Variants in CDKN1A observed in about 807,000 individuals in gnomAD.
CDKN1A encodes cyclin-dependent kinase inhibitor 1.
In CDKN1A, 14 loss-of-function variants were observed where a neutral mutation model predicts 14.8. The observed-to-expected ratio is 0.94, with a 90% CI of 0.62 to 1.48. The LOEUF is 1.48. Ranked by LOEUF, CDKN1A falls within the 40% of genes most tolerant of loss-of-function variation. The pLI, the probability that CDKN1A is intolerant of heterozygous loss-of-function variation, is 0.00. For synonymous variants in CDKN1A, 92 were observed against 93.5 expected (o/e 0.98, Z 0.09); for missense variants, 203 against 231.7 (o/e 0.88, Z 0.80).
upstream of CDKN1A, among the ~76,000 whole-genome samples, chr6:36,677,257 A>T (rs13206175): frequency 3.6e-4 from 55 of 152,036 alleles, no homozygotes; most frequent in Admixed American, 1.0e-3. Context: ...GTGTCCTCCC[A>T]CCCCTACCTG....
chr6:36,678,570 T>G (rs547647295), upstream of CDKN1A: 50 of 773,692 alleles, frequency 6.5e-5, no homozygotes, highest in Non-Finnish European at 7.5e-5. This position sits in a 1 kb window ranked among gnomAD's most constrained non-coding sequence, Gnocchi z 5.7. Flanking sequence ...CAGGCTCAGC[T>G]GGCTCGGCGC....
At chr6:36,685,706 G>A (rs370565004) in intron 2 of CDKN1A, 45 bp from the exon 3 acceptor site, 43 of 1,607,576 alleles carry the variant, frequency 2.7e-5, no homozygotes, top group East Asian at 2.2e-4. Context: ...GCTCCGCCGC[G>A]TCCTCTTCTT....
chr6:36,685,995 G>A lies in CDKN1A; in HGVS notation c.*195G>A, dbSNP rs191431994. 154 of 629,792 alleles carry A rather than the reference G, an allele frequency of 2.4e-4. 1 individual carries two copies. The highest frequency in any genetic ancestry group is 5.8e-4 in the Middle Eastern group (2 of 3,466). The allele number at this position is 629,792 out of a possible 1,614,324, so 39.0% of individuals were successfully genotyped here. A position where few individuals can be genotyped will look rare whatever the true frequency, so the allele number is the denominator to read the frequency against. On this transcript the variant is annotated 3_prime_UTR_variant, in exon 3 of 3. Coordinates refer to ENST00000244741, the MANE Select transcript of CDKN1A (RefSeq NM_000389.5). ...AGAATTATTTAAACAAAAACTAGGC[G>A]GTTGAATGAGAGGTTCCTAAGAGTG...
chr6:36,681,280 T>TTTTCTTTCTTTC (rs1203395813), intron 1 of CDKN1A, among the ~76,000 whole-genome samples: 4 of 112,872 alleles, frequency 3.5e-5, no homozygotes, highest in South Asian at 6.0e-4. Context: ...TTCTTTCTTT[T>TTTTCTTTCTTTC]TTTCTTTCTT....
At chr6:36,681,117 A>T (rs1761924889) in intron 1 of CDKN1A, among the ~76,000 whole-genome samples, 1 of 152,180 alleles carries the variant, frequency 6.6e-6, no homozygotes, top group Non-Finnish European at 1.5e-5. Flanking sequence ...TTTCAAACAT[A>T]CCAGTGTGTC....
chr6:36,679,030 C>G (rs3176321), intron 1 of CDKN1A: 1 of 948,878 alleles, frequency 1.1e-6, no homozygotes, highest in Non-Finnish European at 1.2e-6. Flanking sequence ...GTGCCGGAGA[C>G]CCCGGGGCGG....
In CDKN1A at chr6:36,686,706, A is replaced by T. The variant is rs1401216744; in HGVS notation, c.*906A>T. 2 of 233,782 alleles carry T rather than the reference A, an allele frequency of 8.6e-6. No individual in the cohort carries two copies. The highest frequency in any genetic ancestry group is 1.7e-5 in the Non-Finnish European group (2 of 118,282). 14.5% of individuals were successfully genotyped at this position (233,782 alleles called of 1,614,324 possible). On this transcript the variant is annotated 3_prime_UTR_variant, in exon 3 of 3. Transcript: ENST00000244741. The surrounding 1 kb of genome is among the most constrained non-coding windows in gnomAD (Gnocchi z 4.9). Reference sequence around the variant, plus strand: ...CCCACCCCCAGCTCAATGGACTGGAAGGGGAAGGGACACACAAGAAGAAGG... The same window carrying T: ...CCCACCCCCAGCTCAATGGACTGGATGGGGAAGGGACACACAAGAAGAAGG...
intron 1 of CDKN1A, among the ~76,000 whole-genome samples, chr6:36,683,866 C>G (rs1762097264): frequency 6.6e-6 from 1 of 152,260 alleles, no homozygotes. Flanking sequence ...TTGACATTAG[C>G]TTGCCCTTCA....
chr6:36,676,816 C>G (rs1257641467), upstream of CDKN1A, among the ~76,000 whole-genome samples: 1 of 151,792 alleles, frequency 6.6e-6, no homozygotes, highest in East Asian at 1.9e-4. Context: ...TAGTACTAGA[C>G]ACTTAGTAGG....
upstream of CDKN1A, chr6:36,677,567 A>G (rs1761736036): frequency 2.8e-6 from 1 of 354,428 alleles, no homozygotes; most frequent in East Asian, 5.7e-5. Context: ...GCGGATAGAC[A>G]CATCACTCAT....
chr6:36,683,001 C>G (rs567871095), intron 1 of CDKN1A, among the ~76,000 whole-genome samples: 1 of 152,146 alleles, frequency 6.6e-6, no homozygotes, highest in Non-Finnish European at 1.5e-5. Flanking sequence ...ACCCGCCTGA[C>G]GACATCCTTG....
chr6:36,685,945 C>T lies in CDKN1A; in HGVS notation c.*145C>T. On this transcript the variant is annotated 3_prime_UTR_variant, in exon 3 of 3. Coordinates refer to ENST00000244741, the MANE Select transcript of CDKN1A (RefSeq NM_000389.5). ...CTCCTCATGTACATACCCTGGCCGCCCCCTGCCCCCCAGCCTCTGGCATTA... is the reference window on the plus strand; with the variant it reads ...CTCCTCATGTACATACCCTGGCCGCTCCCTGCCCCCCAGCCTCTGGCATTA... The T allele has an allele frequency of 1.3e-6, 1 of 794,410 alleles. No individual in the cohort carries two copies. The highest frequency in any genetic ancestry group is 1.4e-5 in the South Asian group (1 of 71,052). The allele number at this position is 794,410 out of a possible 1,614,324, so 49.2% of individuals were successfully genotyped here.
chr6:36,684,161 C>T lies in CDKN1A; in HGVS notation c.60C>T (p.Arg20=), dbSNP rs1276240978. The change falls in exon 2 of 3, where the codon CGC becomes CGT. Residue 20 remains arginine, a synonymous_variant. Transcript: ENST00000244741. This position sits in a 1 kb window ranked among gnomAD's most constrained non-coding sequence, Gnocchi z 6.0. ...CATGCGGCAGCAAGGCCTGCCGCCGCCTCTTCGGCCCAGTGGACAGCGAGC... is the reference window on the plus strand; with the variant it reads ...CATGCGGCAGCAAGGCCTGCCGCCGTCTCTTCGGCCCAGTGGACAGCGAGC... ...QNPCGSKACR[R]LFGPVDSEQL... 7 of 1,612,442 alleles carry T rather than the reference C, an allele frequency of 4.3e-6. No individual in the cohort carries two copies. The highest frequency in any genetic ancestry group is 1.6e-4 in the Middle Eastern group (1 of 6,084).
chr6:36,679,039 G>A lies in CDKN1A; in HGVS notation c.-6+241G>A. ...CGGGATGTGCCGGAGACCCCGGGGC[G>A]GAGAGCGGGATTACAAGTACAGGAA... On this transcript the variant is annotated intron_variant, in intron 1 of 2. Transcript: ENST00000244741. 4 of 933,140 alleles carry A rather than the reference G, an allele frequency of 4.3e-6. No individual in the cohort carries two copies. In the South Asian group the frequency reaches 1.5e-4, roughly 35 times the overall value. 57.8% of individuals were successfully genotyped at this position (933,140 alleles called of 1,614,324 possible).
chr6:36,686,934 C>G lies in CDKN1A; in HGVS notation c.*1134C>G, dbSNP rs1306631788. 7 of 233,780 alleles carry G rather than the reference C, an allele frequency of 3.0e-5. No homozygotes were observed. The highest frequency in any genetic ancestry group is 5.1e-5 in the Non-Finnish European group (6 of 118,166). 14.5% of individuals were successfully genotyped at this position (233,780 alleles called of 1,614,324 possible). Reference sequence around the variant, plus strand: ...GCGACCTTCCTCATCCACCCCATCCCTCCCCAGTTCATTGCACTTTGATTA... The same window carrying G: ...GCGACCTTCCTCATCCACCCCATCCGTCCCCAGTTCATTGCACTTTGATTA... On this transcript the variant is annotated 3_prime_UTR_variant, in exon 3 of 3. Transcript: ENST00000244741. This position sits in a 1 kb window ranked among gnomAD's most constrained non-coding sequence, Gnocchi z 4.9.
chr6:36,678,664 G>C (rs1761774657), upstream of CDKN1A: 3 of 985,236 alleles, frequency 3.0e-6, no homozygotes, highest in South Asian at 9.4e-5. This position sits in a 1 kb window ranked among gnomAD's most constrained non-coding sequence, Gnocchi z 5.7. Flanking sequence ...CCTTGAGGCG[G>C]GCCCGGGCGG....
rs1038653449 is a variant in CDKN1A, at chr6:36,686,848, G to A, written c.*1048G>A. On this transcript the variant is annotated 3_prime_UTR_variant, in exon 3 of 3. Coordinates refer to ENST00000244741, the MANE Select transcript of CDKN1A (RefSeq NM_000389.5). The surrounding 1 kb of genome is among the most constrained non-coding windows in gnomAD (Gnocchi z 4.9). The stretch of plus-strand genomic sequence containing the variant: ...TTGAGTGGGGTTATCTCTGTGTTAG[G>A]GGTATATGATGGGGGAGTAGATCTT... 2 of 233,654 alleles carry A rather than the reference G, an allele frequency of 8.6e-6. No homozygotes were observed. Among genetic ancestry groups the A allele is most frequent in the Non-Finnish European group, 8.5e-6 (1 of 118,108 alleles). The allele number at this position is 233,654 out of a possible 1,614,324, so 14.5% of individuals were successfully genotyped here. A position where few individuals can be genotyped will look rare whatever the true frequency, so the allele number is the denominator to read the frequency against.
rs139304346 is a variant in CDKN1A, at chr6:36,685,803, C to T, written c.*3C>T. On this transcript the variant is annotated 3_prime_UTR_variant, in exon 3 of 3. Coordinates refer to ENST00000244741, the MANE Select transcript of CDKN1A (RefSeq NM_000389.5). ...TCTTCTCCAAGAGGAAGCCCTAATC[C>T]GCCCACAGGAAGCCTGCAGTCCTGG... The T allele has an allele frequency of 2.7e-4, 433 of 1,614,090 alleles. 5 individuals are homozygous for T. In the East Asian group the frequency reaches 8.5e-3, roughly 32 times the overall value.
chr6:36,678,740 T>A lies in CDKN1A; in HGVS notation c.-64T>A. ...AGGTGTGAGCAGCTGCCGAAGTCAG[T>A]TCCTTGTGGAGCCGGAGCTGGGCGC... On this transcript the variant is annotated 5_prime_UTR_variant, in exon 1 of 3. Transcript: ENST00000244741. The surrounding 1 kb of genome is among the most constrained non-coding windows in gnomAD (Gnocchi z 5.7). The A allele has an allele frequency of 1.0e-6, 1 of 985,580 alleles. No individual in the cohort carries two copies. The highest frequency in any genetic ancestry group is 1.2e-6 in the Non-Finnish European group (1 of 830,056). The allele number at this position is 985,580 out of a possible 1,614,324, so 61.1% of individuals were successfully genotyped here. A position where few individuals can be genotyped will look rare whatever the true frequency, so the allele number is the denominator to read the frequency against.
Sources: gnomAD v4.1 joint callset for allele counts (sites outside exome capture counted in the v4.1 genomes callset) on GRCh38, gnomAD v4.1.1 for gene constraint, Gnocchi (gnomAD v3.1) non-coding constraint, MANE v1.5 for transcripts, NCBI Gene and HGNC (gene_info 2026-07-23, HGNC 2026-07-21) for gene names.